Variants in ZMYM4 observed in about 807,000 individuals in gnomAD.
ZMYM4 encodes the protein zinc finger MYM-type protein 4.
ZMYM4 carries 31 observed loss-of-function variants against 183.2 expected under a neutral mutation model. The ratio of observed to expected loss-of-function variants is 0.17; its 90% CI spans 0.13 to 0.23. The LOEUF (loss-of-function observed/expected upper bound fraction) is 0.23, where lower values mean the gene tolerates loss of function less well. Ranked by LOEUF, ZMYM4 falls within the 10% of genes least tolerant of loss-of-function variation. The pLI is 1.00. For synonymous variants in ZMYM4, 592 were observed against 631.2 expected (o/e 0.94, Z 0.93); for missense variants, 1,273 against 1,840.3 (o/e 0.69, Z 5.64).
intron 1 of ZMYM4, among the ~76,000 whole-genome samples, chr1:35,322,690 T>G (rs571041396): frequency 8.5e-5 from 13 of 152,274 alleles, no homozygotes; most frequent in African/African-American, 3.1e-4. Flanking sequence ...ACTTTTTTTT[T>G]GTTTTGGTTT....
At chr1:35,399,794 T>C (rs1644870839) in intron 23 of ZMYM4, among the ~76,000 whole-genome samples, 1 of 152,158 alleles carries the variant, frequency 6.6e-6, no homozygotes, top group Non-Finnish European at 1.5e-5. Flanking sequence ...TTCTTTTATA[T>C]TGCTTTGTTT....
At chr1:35,387,693 T>C (rs1644607388) in intron 13 of ZMYM4, 89 bp downstream of exon 13, 1 of 1,384,042 alleles carries the variant, frequency 7.2e-7, no homozygotes, top group Non-Finnish European at 9.8e-7. Flanking sequence ...TCTAAGTTAA[T>C]CTGTTTTATT....
chr1:35,269,323 C>T lies in ZMYM4; in HGVS notation c.39+238C>T, dbSNP rs373279012. 3.2e-4 allele frequency among the ~76,000 whole-genome samples: 48 copies of T among 152,238 alleles called. 2 individuals carry two copies. In the East Asian group the frequency reaches 3.9e-3, roughly 12 times the overall value. Reference sequence around the variant, plus strand: ...GGGGCCGTTGTTTGCCTTCCTCCCCCCGACGTTCCCCAGCACTGGGGTGGG... The same window carrying T: ...GGGGCCGTTGTTTGCCTTCCTCCCCTCGACGTTCCCCAGCACTGGGGTGGG... On this transcript the variant is annotated intron_variant, in intron 1 of 29. Transcript: ENST00000314607.
At chr1:35,356,617 A>G (rs548275239) in intron 2 of ZMYM4, among the ~76,000 whole-genome samples, 83 of 152,236 alleles carry the variant, frequency 5.5e-4, no homozygotes, top group Non-Finnish European at 1.1e-3. Context: ...ATTTACCCTC[A>G]TACTGTTTCT....
chr1:35,280,851 C>G (rs553059018), intron 1 of ZMYM4, among the ~76,000 whole-genome samples: 1 of 152,286 alleles, frequency 6.6e-6, no homozygotes, highest in Non-Finnish European at 1.5e-5. Context: ...ATTAACTACA[C>G]CAGCAAAGAA....
intron 7 of ZMYM4, among the ~76,000 whole-genome samples, chr1:35,375,448 G>T (rs1053019297): frequency 1.7e-4 from 26 of 152,110 alleles, no homozygotes; most frequent in Non-Finnish European, 3.1e-4. Context: ...GTTAATTTTG[G>T]CATATGCATT....
chr1:35,349,782 A>G (rs1030805704), intron 2 of ZMYM4, among the ~76,000 whole-genome samples: 1 of 151,024 alleles, frequency 6.6e-6, no homozygotes, highest in African/African-American at 2.4e-5. Context: ...GTGAGCTGAG[A>G]TCATACCACT....
Position 35,393,636 on chromosome 1 carries a change from A to C in ZMYM4, c.2808A>C (p.Gln936His), listed in dbSNP as rs775498241. ...ATGCCCTGAAACTGCCACCTTCCCA[A>C]CCTCCAAGGCTTTTGAAGAACAAAG... The part of the protein sequence containing the change: ...QTDALKLPPS[Q>H]PPRLLKNKAL... Residue 936 changes from glutamine (Q) to histidine (H), a missense_variant, in exon 18 of 30, where the codon CAA becomes CAC. Physicochemically the swap from Gln to His is conservative, Grantham distance 24 (BLOSUM62 0). This residue lies in a region of ZMYM4 where 290 missense variants were observed against 353.3 expected (regional missense o/e 0.82). Coordinates refer to ENST00000314607, the MANE Select transcript of ZMYM4 (RefSeq NM_005095.3). 3.7e-6 allele frequency: 6 copies of C among 1,610,800 alleles called. No individual in the cohort carries two copies. Among genetic ancestry groups the C allele is most frequent in the Non-Finnish European group, 5.1e-6 (6 of 1,178,040 alleles).
intron 2 of ZMYM4, among the ~76,000 whole-genome samples, chr1:35,331,432 T>C (rs887212967): frequency 6.6e-6 from 1 of 152,170 alleles, no homozygotes; most frequent in Admixed American, 6.6e-5. Context: ...ATCTCTGTAT[T>C]GGTAAAAGGT....
rs1644733034 is a variant in ZMYM4, at chr1:35,392,716, CTG to C, written c.2766+34_2766+35del. On this transcript the variant is annotated intron_variant, in intron 17 of 29. Transcript: ENST00000314607. ...TTTATTACTTTTATTGGTATTGTCACTGTATTTATTTTTCATTTTCATACAGT... is the reference window on the plus strand; with the variant it reads ...TTTATTACTTTTATTGGTATTGTCACTATTTATTTTTCATTTTCATACAGT... The C allele has an allele frequency of 7.1e-6, 11 of 1,554,748 alleles. No individual in the cohort carries two copies. The East Asian group carries it at 2.0e-4, about 29-fold the overall frequency.
intron 2 of ZMYM4, among the ~76,000 whole-genome samples, chr1:35,338,674 A>T (rs1460044546): frequency 1.3e-5 from 2 of 152,228 alleles, no homozygotes; most frequent in Non-Finnish European, 2.9e-5. Context: ...GGAGGATATA[A>T]CATGAACTTC....
At chr1:35,351,566 G>A (rs561411196) in intron 2 of ZMYM4, 11 of 937,722 alleles carry the variant, frequency 1.2e-5, no homozygotes, top group Admixed American at 1.0e-4. Context: ...TCAAAAGAAG[G>A]CAAACTCCCT....
At chr1:35,380,733 A>G (rs1278911726) in intron 7 of ZMYM4, among the ~76,000 whole-genome samples, 1 of 152,166 alleles carries the variant, frequency 6.6e-6, no homozygotes, top group Non-Finnish European at 1.5e-5. Flanking sequence ...CTTAATCATT[A>G]GGGTTTTAAT....
rs1644852002 is a variant in ZMYM4, at chr1:35,398,785, G to A, written c.3254-79G>A. The A allele has an allele frequency of 2.0e-6, 3 of 1,464,880 alleles. No homozygotes were observed. The African/African-American group carries it at 4.2e-5, about 21-fold the overall frequency. 90.7% of individuals were successfully genotyped at this position (1,464,880 alleles called of 1,614,324 possible). A position where few individuals can be genotyped will look rare whatever the true frequency, so the allele number is the denominator to read the frequency against. ...ACCGTATCTCATTTTTTGGTATTTA[G>A]GGGTTCAGGAAGTTTTCCGAGCATG... On this transcript the variant is annotated intron_variant, in intron 21 of 29. Coordinates refer to ENST00000314607, the MANE Select transcript of ZMYM4 (RefSeq NM_005095.3).
At chr1:35,315,657 A>C (rs1642010932) in intron 1 of ZMYM4, among the ~76,000 whole-genome samples, 1 of 152,182 alleles carries the variant, frequency 6.6e-6, no homozygotes, top group African/African-American at 2.4e-5. Context: ...AATGTCTTAA[A>C]AAGTCAGGCT....
At position 35,375,330 on chromosome 1, in the gene ZMYM4, T is replaced by C. The variant is rs1043186280; in HGVS notation, c.1181+4703T>C. ...TATTTACACGGTGATTACAACAGTT[T>C]GGTATAGTCTGATTTATCTGATTGT... is the stretch of plus-strand genomic sequence containing the variant. On this transcript the variant is annotated intron_variant, in intron 7 of 29. Coordinates refer to ENST00000314607, the MANE Select transcript of ZMYM4 (RefSeq NM_005095.3). Among the ~76,000 whole-genome samples the C allele has an allele frequency of 5.3e-5, 8 of 152,336 alleles. No homozygotes were observed. The South Asian group carries it at 1.7e-3, about 32-fold the overall frequency.
At chr1:35,391,463 A>G (rs1644704148) in intron 15 of ZMYM4, among the ~76,000 whole-genome samples, 3 of 152,214 alleles carry the variant, frequency 2.0e-5, no homozygotes, top group African/African-American at 4.8e-5. Flanking sequence ...CAACACTAGT[A>G]TCATCCTGAA....
rs1639439363 is a variant in ZMYM4 at position 35,268,887 on chromosome 1, C to T, written c.-160C>T. Reference sequence around the variant, plus strand: ...GGATCTCAGAAGCTGCGGCCCGGCGCGCGGCATCCGCCCCCTCCCCACTCT... The same window carrying T: ...GGATCTCAGAAGCTGCGGCCCGGCGTGCGGCATCCGCCCCCTCCCCACTCT... On this transcript the variant is annotated 5_prime_UTR_variant, in exon 1 of 30. Transcript: ENST00000314607. 2.7e-6 allele frequency: 2 copies of T among 731,152 alleles called. No homozygotes were observed. The highest frequency in any genetic ancestry group is 4.6e-5 in the Admixed American group (1 of 21,966). The allele number at this position is 731,152 out of a possible 1,614,324, so 45.3% of individuals were successfully genotyped here.
chr1:35,326,258 T>G (rs1642499322), intron 2 of ZMYM4, among the ~76,000 whole-genome samples: 1 of 152,196 alleles, frequency 6.6e-6, no homozygotes, highest in African/African-American at 2.4e-5. Context: ...TCTGAAACAC[T>G]TCTAATATTA....
Sources: allele counts gnomAD v4.1 joint callset (sites outside exome capture counted in the v4.1 genomes callset), GRCh38; gene constraint gnomAD v4.1.1; regional missense constraint gnomAD v4.1.1; transcripts MANE v1.5; gene names NCBI Gene and HGNC (gene_info 2026-07-23, HGNC 2026-07-21).